Variants in TBC1D4 observed in about 807,000 individuals in gnomAD.
The protein encoded by TBC1D4 is TBC1 domain family member 4, also known as TBC (Tre-2, BUB2, CDC16) domain-containing protein.
Under a neutral mutation model 142.5 loss-of-function variants are expected in TBC1D4, and 121 were observed. That is an observed-to-expected ratio of 0.85 (90% CI 0.73 to 0.99). TBC1D4 has a LOEUF of 0.99. Among genes scored for constraint, TBC1D4 ranks in the 50% least tolerant of loss-of-function variants. The pLI, the probability that TBC1D4 is intolerant of heterozygous loss-of-function variation, is 0.00. For missense variants in TBC1D4, 1,475 were observed against 1,606.6 expected (o/e 0.92, Z 1.40); for synonymous variants, 630 against 628.2 (o/e 1.00, Z -0.04).
chr13:75,294,788 CTAGAAG>C, intron 18 of TBC1D4, 60 bp downstream of exon 18: 1 of 1,558,766 alleles, frequency 6.4e-7, no homozygotes. Flanking sequence ...CATCATATGG[CTAGAAG>C]TAGAAGTATA....
chr13:75,330,127 T>G (rs1010658488), intron 8 of TBC1D4, among the ~76,000 whole-genome samples: 1 of 152,238 alleles, frequency 6.6e-6, no homozygotes, highest in East Asian at 1.9e-4. Context: ...TCTGGACTAA[T>G]CCTTTAACTT....
rs560293966 is a variant in TBC1D4, at chr13:75,461,313, G to A, written c.498+19957C>T. ...AGTAAGGGCTTAAGAGAAAAAAGAT[G>A]TAAAGACCATCTGTATTTATTTGTT... is the stretch of plus-strand genomic sequence containing the variant. On this transcript the variant is annotated intron_variant, in intron 1 of 20. Coordinates refer to ENST00000377636, the MANE Select transcript of TBC1D4 (RefSeq NM_014832.5). 2.0e-5 allele frequency among the ~76,000 whole-genome samples: 3 copies of A among 152,286 alleles called. No homozygotes were observed. The South Asian group carries it at 6.2e-4, about 32-fold the overall frequency.
At chr13:75,432,962 CT>C (rs1160368113) in intron 1 of TBC1D4, among the ~76,000 whole-genome samples, 2 of 151,434 alleles carry the variant, frequency 1.3e-5, no homozygotes, top group African/African-American at 4.9e-5. Context: ...AAAATCATGC[CT>C]GTCTGTCACA....
chr13:75,380,009 G>A (rs563260110), intron 1 of TBC1D4, among the ~76,000 whole-genome samples: 3 of 145,492 alleles, frequency 2.1e-5, no homozygotes, highest in African/African-American at 7.5e-5. Context: ...AGATTCAAGC[G>A]ATTCTCATGC....
chr13:75,341,100 G>A (rs755208502), intron 7 of TBC1D4, 25 bp downstream of exon 7: 1 of 1,572,352 alleles, frequency 6.4e-7, no homozygotes, highest in Non-Finnish European at 8.7e-7. Context: ...AACAAAAGTA[G>A]GTGAAGTAGG....
At position 75,316,995 on chromosome 13, in the gene TBC1D4, G is replaced by T. The variant is rs201859176; in HGVS notation, c.2222+3019C>A. Among the ~76,000 whole-genome samples the T allele has an allele frequency of 3.9e-5, 6 of 152,214 alleles. No homozygotes were observed. In the East Asian group the frequency reaches 1.2e-3, roughly 29 times the overall value. On this transcript the variant is annotated intron_variant, in intron 12 of 20. Coordinates refer to ENST00000377636, the MANE Select transcript of TBC1D4 (RefSeq NM_014832.5). Reference sequence around the variant, plus strand: ...GTATCGATTGTTCTAAACATTTTACGAGTATGAATTAATTTCATCCTCACA... The same window carrying T: ...GTATCGATTGTTCTAAACATTTTACTAGTATGAATTAATTTCATCCTCACA...
intron 15 of TBC1D4, among the ~76,000 whole-genome samples, chr13:75,303,372 C>G (rs1460149595): frequency 6.6e-6 from 1 of 152,056 alleles, no homozygotes; most frequent in Non-Finnish European, 1.5e-5. Flanking sequence ...CTGATATGCT[C>G]CAGAACAACA....
intron 19 of TBC1D4, among the ~76,000 whole-genome samples, chr13:75,290,122 A>T (rs1234240196): frequency 6.6e-6 from 1 of 152,106 alleles, no homozygotes; most frequent in Non-Finnish European, 1.5e-5. Context: ...TTTAATTATA[A>T]ATCAGGTTCC....
chr13:75,414,676 T>C (rs1158465918), intron 1 of TBC1D4, among the ~76,000 whole-genome samples: 1 of 151,780 alleles, frequency 6.6e-6, no homozygotes, highest in Admixed American at 6.6e-5. Flanking sequence ...GAAGAGAAAA[T>C]AGAGCAGGGT....
intron 14 of TBC1D4, 62 bp from the exon 15 acceptor site, chr13:75,306,533 T>C: frequency 6.3e-7 from 1 of 1,581,848 alleles, no homozygotes; most frequent in South Asian, 1.1e-5. Flanking sequence ...CTTTAGACGT[T>C]TGATTGTATT....
intron 11 of TBC1D4, among the ~76,000 whole-genome samples, chr13:75,321,480 A>T (rs1878781812): frequency 6.6e-6 from 1 of 152,302 alleles, no homozygotes; most frequent in East Asian, 1.9e-4. Context: ...TATAAAACAA[A>T]TGTAGCAAAA....
In TBC1D4 at chr13:75,456,796, T is replaced by A. The variant is rs1268041317; in HGVS notation, c.498+24474A>T. ...CCTAGCAATTCCTCTCCTAGGCATA[T>A]ATGCAATAGAAATGATAGCCTACGT... is the stretch of plus-strand genomic sequence containing the variant. On this transcript the variant is annotated intron_variant, in intron 1 of 20. Transcript: ENST00000377636. 2.0e-5 allele frequency among the ~76,000 whole-genome samples: 3 copies of A among 150,562 alleles called. No homozygotes were observed. In the East Asian group the frequency reaches 5.8e-4, roughly 29 times the overall value.
At chr13:75,368,402 T>A (rs1883040148) in intron 1 of TBC1D4, among the ~76,000 whole-genome samples, 1 of 152,210 alleles carries the variant, frequency 6.6e-6, no homozygotes, top group Non-Finnish European at 1.5e-5. Context: ...TTGTTTTTGA[T>A]CCTCGGGCTA....
intron 1 of TBC1D4, among the ~76,000 whole-genome samples, chr13:75,401,977 C>T (rs1215835157): frequency 2.6e-5 from 4 of 152,214 alleles, no homozygotes; most frequent in Admixed American, 2.6e-4. Flanking sequence ...ACACTTCAAA[C>T]ACAAACTCTG....
intron 1 of TBC1D4, among the ~76,000 whole-genome samples, chr13:75,477,901 A>G (rs1360808033): frequency 6.6e-6 from 1 of 152,232 alleles, no homozygotes; most frequent in Admixed American, 6.5e-5. Flanking sequence ...AGGCTTGACT[A>G]GAGACAGATC....
intron 10 of TBC1D4, 133 bp downstream of exon 10, chr13:75,326,061 CTTA>C: frequency 4.0e-6 from 4 of 1,000,044 alleles, no homozygotes; most frequent in Non-Finnish European, 6.2e-6. Context: ...AATGAGGTAA[CTTA>C]ATTTGTTTTT....
At chr13:75,403,514 C>T (rs1333133676) in intron 1 of TBC1D4, among the ~76,000 whole-genome samples, 2 of 152,086 alleles carry the variant, frequency 1.3e-5, no homozygotes, top group Non-Finnish European at 2.9e-5. Flanking sequence ...GAAGTATAAA[C>T]AATTTTGTTA....
intron 1 of TBC1D4, among the ~76,000 whole-genome samples, chr13:75,415,048 C>T (rs2138095272): frequency 6.7e-6 from 1 of 149,520 alleles, no homozygotes; most frequent in East Asian, 2.0e-4. Context: ...CGCTTGAACC[C>T]AGGAGGTGGA....
intron 1 of TBC1D4, among the ~76,000 whole-genome samples, chr13:75,451,064 G>A (rs1887512187): frequency 6.6e-6 from 1 of 152,094 alleles, no homozygotes; most frequent in African/African-American, 2.4e-5. Context: ...TTTATTAGGT[G>A]CCTGCAAAAT....
Sources: gnomAD v4.1 joint callset for allele counts (sites outside exome capture counted in the v4.1 genomes callset) on GRCh38, gnomAD v4.1.1 for gene constraint, MANE v1.5 for transcripts, NCBI Gene and HGNC (gene_info 2026-07-23, HGNC 2026-07-21) for gene names.